The following DSCAM variants were observed in gnomAD, a reference collection of about 807,000 sequenced individuals.
DSCAM encodes DS cell adhesion molecule.
Under a neutral mutation model 217.7 loss-of-function variants are expected in DSCAM, and 47 were observed. The ratio of observed to expected loss-of-function variants is 0.22; its 90% CI spans 0.17 to 0.28. DSCAM has a LOEUF of 0.28. Among genes scored for constraint, DSCAM ranks in the 10% least tolerant of loss-of-function variants. DSCAM has a pLI of 1.00. For missense variants in DSCAM, 2,080 were observed against 2,618.3 expected, an observed-to-expected ratio of 0.79 and a Z score of 4.49; for synonymous variants, 1,056 against 1,015.3, an observed-to-expected ratio of 1.04 and a Z score of -0.76.
chr21:40,168,910 C>T (rs1025195899), intron 15 of DSCAM, among the ~76,000 whole-genome samples: 1 of 152,122 alleles, frequency 6.6e-6, no homozygotes, highest in Non-Finnish European at 1.5e-5. Flanking sequence ...CCATTTCTCT[C>T]TATATATAAT....
In DSCAM at chr21:40,011,541, T is replaced by G. The variant is rs2837372; in HGVS notation, c.*1493A>C. The G allele has an allele frequency of 0.37, 56,728 of 151,912 alleles. 11,042 individuals carry two copies. The highest frequency in any genetic ancestry group is 0.51 in the Admixed American group (7,760 of 15,248). The allele number at this position is 151,912 out of a possible 1,614,324, so 9.4% of individuals were successfully genotyped here. A position where few individuals can be genotyped will look rare whatever the true frequency, so the allele number is the denominator to read the frequency against. On this transcript the variant is annotated 3_prime_UTR_variant, in exon 33 of 33. Coordinates refer to ENST00000400454, the MANE Select transcript of DSCAM (RefSeq NM_001389.5). ...GCCAAATCTCTGACACAAAGACCTG[T>G]TTATCTTTCCATTTTATGGAAGTGA... is the stretch of plus-strand genomic sequence containing the variant.
At chr21:40,731,399 G>A (rs2091009254) in intron 1 of DSCAM, among the ~76,000 whole-genome samples, 1 of 152,148 alleles carries the variant, frequency 6.6e-6, no homozygotes, top group African/African-American at 2.4e-5. Flanking sequence ...TGATAAGGAG[G>A]GGAAAGTTGA....
At chr21:40,575,898 A>G (rs2146211516) in intron 3 of DSCAM, among the ~76,000 whole-genome samples, 1 of 152,336 alleles carries the variant, frequency 6.6e-6, no homozygotes, top group Non-Finnish European at 1.5e-5. Flanking sequence ...TAACAGCATC[A>G]TTAGTAATTA....
At chr21:40,702,589 T>C (rs1388750558) in intron 2 of DSCAM, among the ~76,000 whole-genome samples, 2 of 152,214 alleles carry the variant, frequency 1.3e-5, no homozygotes, top group African/African-American at 2.4e-5. Flanking sequence ...ATTTCTGCCT[T>C]ATAATTCAGG....
At chr21:40,290,423 C>A (rs1403296719) in intron 10 of DSCAM, among the ~76,000 whole-genome samples, 1 of 152,108 alleles carries the variant, frequency 6.6e-6, no homozygotes, top group African/African-American at 2.4e-5. Context: ...GAGTTCAAGA[C>A]CAGCCTGGCC....
At chr21:40,784,970 T>C (rs2091580187) in intron 1 of DSCAM, among the ~76,000 whole-genome samples, 1 of 152,230 alleles carries the variant, frequency 6.6e-6, no homozygotes, top group Non-Finnish European at 1.5e-5. Flanking sequence ...ATTCATTTGA[T>C]TTTTTATATC....
chr21:40,198,809 T>C (rs2091041862), intron 11 of DSCAM, among the ~76,000 whole-genome samples: 1 of 152,212 alleles, frequency 6.6e-6, no homozygotes, highest in South Asian at 2.1e-4. Context: ...CATGCTCCAT[T>C]GTCACACTGG....
intron 1 of DSCAM, among the ~76,000 whole-genome samples, chr21:40,813,615 T>C (rs1336930102): frequency 1.3e-5 from 2 of 152,050 alleles, no homozygotes; most frequent in African/African-American, 4.8e-5. Flanking sequence ...TATATTTGTA[T>C]AGTTTTGAGG....
intron 3 of DSCAM, among the ~76,000 whole-genome samples, chr21:40,636,136 T>C (rs1174274122): frequency 1.3e-5 from 2 of 152,212 alleles, no homozygotes; most frequent in African/African-American, 4.8e-5. Flanking sequence ...GAGTGAGGCC[T>C]GGGCACAGTT....
chr21:40,216,615 T>A (rs1347647622), intron 11 of DSCAM, among the ~76,000 whole-genome samples: 1 of 152,190 alleles, frequency 6.6e-6, no homozygotes, highest in East Asian at 1.9e-4. Flanking sequence ...TAGGAAAATG[T>A]CAATACTGTT....
At chr21:40,532,269 AT>A (rs61136568) in intron 3 of DSCAM, among the ~76,000 whole-genome samples, 24,475 of 152,148 alleles carry the variant, frequency 0.16, 2,185 homozygotes, top group Middle Eastern at 0.23. Flanking sequence ...ATACTAATAA[AT>A]ATCAGATAAG....
chr21:40,421,522 A>T (rs915263473), intron 3 of DSCAM, among the ~76,000 whole-genome samples: 2 of 152,194 alleles, frequency 1.3e-5, no homozygotes, highest in Admixed American at 6.5e-5. Flanking sequence ...AAAAATTTGG[A>T]TATCAAATAC....
chr21:40,517,961 C>T (rs946777689), intron 3 of DSCAM, among the ~76,000 whole-genome samples: 4 of 152,056 alleles, frequency 2.6e-5, no homozygotes, highest in African/African-American at 7.2e-5. Context: ...TGAGCTTTAG[C>T]CCAAATGCCA....
At chr21:40,815,882 A>T in intron 1 of DSCAM, among the ~76,000 whole-genome samples, 1 of 152,194 alleles carries the variant, frequency 6.6e-6, no homozygotes, top group Non-Finnish European at 1.5e-5. Context: ...AGATGTGATG[A>T]TGAAAGATCC....
intron 3 of DSCAM, among the ~76,000 whole-genome samples, chr21:40,497,365 A>G (rs1384606671): frequency 6.6e-6 from 1 of 151,756 alleles, no homozygotes; most frequent in Non-Finnish European, 1.5e-5. Context: ...AAGTAAAATA[A>G]GCCAGACACA....
rs942688988 is a variant in DSCAM at position 40,311,286 on chromosome 21, T to C, written c.2062+795A>G. ...TGTGGATGAATATTGTAATGGTAGA[T>C]TAATGTATAGTACTCTTGGAGAATC... On this transcript the variant is annotated intron_variant, in intron 9 of 32. Transcript: ENST00000400454. Among the ~76,000 whole-genome samples, 4 of 152,202 alleles carry C rather than the reference T, an allele frequency of 2.6e-5. No individual in the cohort carries two copies. In the South Asian group the frequency reaches 8.3e-4, roughly 31 times the overall value.
chr21:40,355,574 T>C (rs531515573), intron 4 of DSCAM, among the ~76,000 whole-genome samples: 8 of 152,344 alleles, frequency 5.3e-5, no homozygotes, highest in Non-Finnish European at 1.2e-4. Context: ...TAAAACTCAG[T>C]GTTCTCACCC....
intron 3 of DSCAM, among the ~76,000 whole-genome samples, chr21:40,668,044 A>T (rs80356330): frequency 0.01 from 1,551 of 152,270 alleles, 23 homozygotes; most frequent in African/African-American, 0.035. Context: ...GTCTCATTCT[A>T]TTAACTCTGC....
intron 30 of DSCAM, among the ~76,000 whole-genome samples, chr21:40,048,940 C>T (rs1333915669): frequency 6.6e-6 from 1 of 151,852 alleles, no homozygotes; most frequent in African/African-American, 2.4e-5. Context: ...TTGTCAGTCC[C>T]TCACACTGTG....
Sources: gnomAD v4.1 joint callset for allele counts (sites outside exome capture counted in the v4.1 genomes callset) on GRCh38, gnomAD v4.1.1 for gene constraint, MANE v1.5 for transcripts, NCBI Gene and HGNC (gene_info 2026-07-23, HGNC 2026-07-21) for gene names.